The following PIGK variants were observed in gnomAD, a reference collection of about 807,000 sequenced individuals.
PIGK encodes GPI-anchor transamidase.
PIGK carries 42 observed loss-of-function variants against 50.6 expected under a neutral mutation model. The observed-to-expected ratio is 0.83, with a 90% CI of 0.65 to 1.07. The LOEUF (loss-of-function observed/expected upper bound fraction) is 1.07. PIGK is among the 50% of genes least tolerant of loss of function. The probability of loss-of-function intolerance (pLI) is 0.00; values close to 1 mark genes in which losing one functional copy is unlikely to be tolerated. For missense variants in PIGK, 448 were observed against 488.7 expected, an observed-to-expected ratio of 0.92 and a Z score of 0.78; for synonymous variants, 151 against 156.0, an observed-to-expected ratio of 0.97 and a Z score of 0.24.
intron 8 of PIGK, among the ~76,000 whole-genome samples, chr1:77,157,755 A>G (rs1003931938): frequency 1.3e-5 from 2 of 152,204 alleles, no homozygotes; most frequent in Non-Finnish European, 2.9e-5. Context: ...TACAGCTCCC[A>G]TAAGTCCCAC....
intron 3 of PIGK, among the ~76,000 whole-genome samples, chr1:77,204,465 T>A (rs1476251315): frequency 1.3e-5 from 2 of 152,116 alleles, no homozygotes; most frequent in Non-Finnish European, 2.9e-5. Flanking sequence ...CTGCCCCCAT[T>A]TGCCATGTGA....
intron 1 of PIGK, among the ~76,000 whole-genome samples, chr1:77,213,242 A>G (rs918977425): frequency 1.3e-5 from 2 of 152,204 alleles, no homozygotes; most frequent in African/African-American, 2.4e-5. Flanking sequence ...CATTTCTTCC[A>G]ACAATGGCAG....
intron 3 of PIGK, among the ~76,000 whole-genome samples, chr1:77,174,556 C>T (rs935065188): frequency 1.3e-5 from 2 of 152,106 alleles, no homozygotes. Flanking sequence ...AGGAAATATA[C>T]TTTTAGGGAT....
intron 9 of PIGK, among the ~76,000 whole-genome samples, chr1:77,146,936 G>A (rs957434113): frequency 1.3e-5 from 2 of 152,110 alleles, no homozygotes; most frequent in South Asian, 4.1e-4. Context: ...GCATAGGCAA[G>A]AGAGAAAGAC....
intron 10 of PIGK, among the ~76,000 whole-genome samples, chr1:77,098,091 T>G (rs1418872764): frequency 6.6e-6 from 1 of 152,164 alleles, no homozygotes; most frequent in Non-Finnish European, 1.5e-5. Context: ...ATAAAAGGGC[T>G]ATCACAGATC....
At chr1:77,142,882 T>C (rs985640080) in intron 9 of PIGK, among the ~76,000 whole-genome samples, 1 of 152,158 alleles carries the variant, frequency 6.6e-6, no homozygotes, top group African/African-American at 2.4e-5. Flanking sequence ...AAAATTTGAA[T>C]GCAAGTCCAT....
chr1:77,202,436 G>A (rs1656190915), intron 3 of PIGK, among the ~76,000 whole-genome samples: 1 of 152,134 alleles, frequency 6.6e-6, no homozygotes, highest in Non-Finnish European at 1.5e-5. Context: ...GAAGGAGAAA[G>A]AAAAGAACTG....
chr1:77,195,434 G>A, intron 3 of PIGK: 4 of 974,336 alleles, frequency 4.1e-6, no homozygotes, highest in South Asian at 1.9e-5. Flanking sequence ...TGTTTCCACA[G>A]GAATCTTTTG....
rs907493853 is a variant in PIGK, at chr1:77,091,352, A to G, written c.*1022T>C. The G allele has an allele frequency of 2.0e-5, 3 of 152,224 alleles. No homozygotes were observed. The highest frequency in any genetic ancestry group is 7.2e-5 in the African/African-American group (3 of 41,474). The allele number at this position is 152,224 out of a possible 1,614,324, so 9.4% of individuals were successfully genotyped here. On this transcript the variant is annotated 3_prime_UTR_variant, in exon 11 of 11. Coordinates refer to ENST00000370812, the MANE Select transcript of PIGK (RefSeq NM_005482.3). ...AGGGGCTTACTGCCTTATAGGATAC[A>G]TCAGCCAGACATGAAGGCTAGGCCA...
intron 10 of PIGK, among the ~76,000 whole-genome samples, chr1:77,115,347 G>A (rs544747545): frequency 6.6e-6 from 1 of 152,142 alleles, no homozygotes; most frequent in East Asian, 1.9e-4. Flanking sequence ...TATGGGCAGA[G>A]ACTGCAAATA....
At chr1:77,118,388 C>G (rs78996643) in intron 10 of PIGK, among the ~76,000 whole-genome samples, 5,564 of 151,950 alleles carry the variant, frequency 0.037, 266 homozygotes, top group African/African-American at 0.11. Context: ...TACAAGTGCC[C>G]ATCACCATGC....
Position 77,169,315 on chromosome 1 carries a change from T to A in PIGK, c.320A>T (p.Asn107Ile), listed in dbSNP as rs1425164652. 1 of 1,596,870 alleles carries A rather than the reference T, an allele frequency of 6.3e-7. No homozygotes were observed. Among genetic ancestry groups the A allele is most frequent in the African/African-American group, 1.3e-5 (1 of 74,522 alleles). ...ATCTCCATACACATTTAGTTCCATA[T>A]TCTTGTGACTAAACACTGTAGCTGG... The part of the protein sequence containing the change: ...PKPATVFSHK[N>I]MELNVYGDDV... Residue 107 changes from asparagine (N) to isoleucine (I), a missense_variant, in exon 4 of 11, where the codon AAT (asparagine) becomes ATT (isoleucine). Coordinates refer to ENST00000370812, the MANE Select transcript of PIGK (RefSeq NM_005482.3).
intron 8 of PIGK, among the ~76,000 whole-genome samples, chr1:77,160,027 T>C (rs2100554744): frequency 6.6e-6 from 1 of 152,332 alleles, no homozygotes; most frequent in East Asian, 1.9e-4. Flanking sequence ...TCTTGAATTG[T>C]AGCTCCCATA....
chr1:77,126,993 C>A (rs941543678), intron 9 of PIGK, among the ~76,000 whole-genome samples: 5 of 152,220 alleles, frequency 3.3e-5, no homozygotes, highest in African/African-American at 9.6e-5. Flanking sequence ...ATGGAAAAAG[C>A]TGTGCATTCC....
At chr1:77,134,156 T>C (rs745416618) in intron 9 of PIGK, among the ~76,000 whole-genome samples, 4 of 152,228 alleles carry the variant, frequency 2.6e-5, no homozygotes, top group Non-Finnish European at 5.9e-5. Flanking sequence ...CATAGTCTGC[T>C]GACTTCTGCT....
chr1:77,206,770 A>G (rs375214852), intron 2 of PIGK, 39 bp from the exon 3 acceptor site: 8 of 1,178,360 alleles, frequency 6.8e-6, no homozygotes, highest in Non-Finnish European at 1.0e-5. Flanking sequence ...TTATGCATCA[A>G]GGCTAACCAT....
chr1:77,190,377 T>C (rs934560468), intron 3 of PIGK, among the ~76,000 whole-genome samples: 3 of 151,798 alleles, frequency 2.0e-5, no homozygotes, highest in African/African-American at 7.3e-5. Flanking sequence ...CTTTAGCCTG[T>C]GCAACAGAGC....
intron 3 of PIGK, among the ~76,000 whole-genome samples, chr1:77,198,384 G>T (rs1388573481): frequency 6.6e-6 from 1 of 151,882 alleles, no homozygotes; most frequent in Non-Finnish European, 1.5e-5. Flanking sequence ...TATTAGTTTT[G>T]AGGTCTTTAA....
intron 3 of PIGK, among the ~76,000 whole-genome samples, chr1:77,171,308 G>C (rs1408088291): frequency 2.0e-5 from 3 of 150,928 alleles, no homozygotes; most frequent in African/African-American, 7.3e-5. Context: ...ATGGTGGCAG[G>C]CGCCTGTAGT....
Sources: gnomAD v4.1 joint callset for allele counts (sites outside exome capture counted in the v4.1 genomes callset) on GRCh38, gnomAD v4.1.1 for gene constraint, MANE v1.5 for transcripts, NCBI Gene and HGNC (gene_info 2026-07-23, HGNC 2026-07-21) for gene names.